NPAS3: variants seen among roughly 807,000 people sequenced by gnomAD.
NPAS3 encodes neuronal PAS domain-containing protein 3.
A neutral mutation model predicts 73.1 loss-of-function variants in NPAS3; 14 were observed. The observed-to-expected ratio is 0.19, with a 90% CI of 0.13 to 0.30. The LOEUF (loss-of-function observed/expected upper bound fraction) is 0.30, where lower values mean the gene tolerates loss of function less well. Ranked by LOEUF, NPAS3 falls within the 10% of genes least tolerant of loss-of-function variation. The pLI is 1.00. For missense variants in NPAS3, 1,096 were observed against 1,250.0 expected (o/e 0.88, Z 1.86); for synonymous variants, 620 against 541.5 (o/e 1.14, Z -2.01).
intron 1 of NPAS3, among the ~76,000 whole-genome samples, chr14:32,957,614 C>T (rs532811959): frequency 4.0e-4 from 61 of 152,174 alleles, no homozygotes; most frequent in Non-Finnish European, 6.6e-4. Context: ...CCTGGTGATC[C>T]GCCTGCCTCG....
chr14:33,404,008 G>T (rs921716976), intron 4 of NPAS3, among the ~76,000 whole-genome samples: 2 of 152,192 alleles, frequency 1.3e-5, no homozygotes, highest in African/African-American at 4.8e-5. Context: ...GGAAGATAAT[G>T]CTGTAAAGCA....
intron 2 of NPAS3, among the ~76,000 whole-genome samples, chr14:33,168,826 C>T (rs2045274098): frequency 6.6e-6 from 1 of 152,198 alleles, no homozygotes; most frequent in Non-Finnish European, 1.5e-5. Context: ...TAACCTTTAA[C>T]TCCAAGGCAG....
chr14:33,272,309 GACCTTTGTCTAA>G (rs781769621), intron 3 of NPAS3, among the ~76,000 whole-genome samples: 12 of 152,176 alleles, frequency 7.9e-5, no homozygotes, highest in Non-Finnish European at 1.8e-4. Flanking sequence ...GGATATTCAT[GACCTTTGTCTAA>G]ACTACTTAGT....
At chr14:33,080,813 A>G (rs2041841208) in intron 2 of NPAS3, among the ~76,000 whole-genome samples, 1 of 152,214 alleles carries the variant, frequency 6.6e-6, no homozygotes, top group Admixed American at 6.5e-5. Flanking sequence ...GAGCCCATCT[A>G]GAGGTTTTGC....
At chr14:33,000,072 A>C (rs545222859) in intron 1 of NPAS3, among the ~76,000 whole-genome samples, 12 of 152,324 alleles carry the variant, frequency 7.9e-5, no homozygotes, top group African/African-American at 2.4e-4. Context: ...TGGTAGCACC[A>C]TGCCATATGG....
chr14:33,126,759 A>G (rs889733130), intron 2 of NPAS3, among the ~76,000 whole-genome samples: 4 of 152,064 alleles, frequency 2.6e-5, no homozygotes, highest in Non-Finnish European at 5.9e-5. Context: ...TGTAACAAGC[A>G]TGTACAGAAC....
chr14:33,280,724 G>T (rs944460196), intron 3 of NPAS3, among the ~76,000 whole-genome samples: 2 of 152,170 alleles, frequency 1.3e-5, no homozygotes, highest in African/African-American at 4.8e-5. Context: ...TTTTGAGAAA[G>T]TACAAAAAGG....
intron 2 of NPAS3, among the ~76,000 whole-genome samples, chr14:33,073,617 A>G (rs913247440): frequency 1.8e-4 from 28 of 152,244 alleles, no homozygotes; most frequent in African/African-American, 6.8e-4. Flanking sequence ...GAACAAGGTA[A>G]TGAACAAGCC....
intron 1 of NPAS3, among the ~76,000 whole-genome samples, chr14:32,982,497 C>G (rs2037937983): frequency 6.6e-6 from 1 of 151,998 alleles, no homozygotes; most frequent in Non-Finnish European, 1.5e-5. Context: ...ATTGCTTGAG[C>G]CCAGGAGTTT....
At position 32,950,515 on chromosome 14, in the gene NPAS3, T is replaced by C. The variant is rs188302481; in HGVS notation, c.50+11149T>C. On this transcript the variant is annotated intron_variant, in intron 1 of 11. Transcript: ENST00000356141. ...GTTAGGATGAGAAAGATCAGGATCATTTAAAAAATAAAACATAGGGAAGCT... is the reference window on the plus strand; with the variant it reads ...GTTAGGATGAGAAAGATCAGGATCACTTAAAAAATAAAACATAGGGAAGCT... Among the ~76,000 whole-genome samples, 170 of 151,496 alleles carry C rather than the reference T, an allele frequency of 1.1e-3. No homozygotes were observed. The East Asian group carries it at 0.014, about 13-fold the overall frequency.
At chr14:33,486,178 A>G (rs1359481499) in intron 4 of NPAS3, among the ~76,000 whole-genome samples, 1 of 151,716 alleles carries the variant, frequency 6.6e-6, no homozygotes, top group African/African-American at 2.4e-5. Flanking sequence ...AAAGTCATGT[A>G]TGGACTGGCT....
chr14:33,766,660 T>C lies in NPAS3; in HGVS notation c.853-7677T>C, dbSNP rs192506263. Among the ~76,000 whole-genome samples the C allele has an allele frequency of 2.2e-3, 337 of 152,298 alleles. 2 individuals carry two copies. Among genetic ancestry groups the C allele is most frequent in the African/African-American group, 7.4e-3 (308 of 41,562 alleles). Reference sequence around the variant, plus strand: ...CTTACTCCCTTACTTCTGTCTAATATTGAATATCCCTGATCTTACAAGAAT... The same window carrying C: ...CTTACTCCCTTACTTCTGTCTAATACTGAATATCCCTGATCTTACAAGAAT... On this transcript the variant is annotated intron_variant, in intron 7 of 11. Transcript: ENST00000356141.
At chr14:33,670,758 T>C (rs552942779) in intron 5 of NPAS3, among the ~76,000 whole-genome samples, 1 of 152,106 alleles carries the variant, frequency 6.6e-6, no homozygotes, top group Admixed American at 6.6e-5. Flanking sequence ...GAATTTAGTT[T>C]CCAAGCCACT....
intron 2 of NPAS3, among the ~76,000 whole-genome samples, chr14:33,209,632 C>T (rs1350129443): frequency 6.6e-6 from 1 of 152,128 alleles, no homozygotes; most frequent in Non-Finnish European, 1.5e-5. Flanking sequence ...AGGCTGCATG[C>T]CAGATTAATT....
intron 1 of NPAS3, among the ~76,000 whole-genome samples, chr14:33,016,559 T>G (rs2039400708): frequency 7.5e-6 from 1 of 133,384 alleles, no homozygotes. Flanking sequence ...AGTACACATG[T>G]AAAATATAGA....
chr14:33,416,791 C>T (rs2048166074), intron 4 of NPAS3, among the ~76,000 whole-genome samples: 1 of 151,958 alleles, frequency 6.6e-6, no homozygotes, highest in South Asian at 2.1e-4. Context: ...ATTTCTACAA[C>T]TTATGCTTTC....
chr14:33,727,018 T>C (rs2061286006), intron 6 of NPAS3, among the ~76,000 whole-genome samples: 1 of 152,160 alleles, frequency 6.6e-6, no homozygotes, highest in Non-Finnish European at 1.5e-5. Context: ...AATAGAGCTT[T>C]AAAGCAAGGA....
At chr14:33,252,506 C>G (rs140707251) in intron 3 of NPAS3, among the ~76,000 whole-genome samples, 1 of 151,714 alleles carries the variant, frequency 6.6e-6, no homozygotes, top group African/African-American at 2.4e-5. Flanking sequence ...GCAAAATAAC[C>G]CCATGATGTA....
intron 6 of NPAS3, among the ~76,000 whole-genome samples, chr14:33,687,570 C>T (rs1029951137): frequency 3.9e-5 from 6 of 152,038 alleles, no homozygotes; most frequent in African/African-American, 1.2e-4. Flanking sequence ...ATTGATTGCC[C>T]GCATTACTGT....
Sources: allele counts gnomAD v4.1 joint callset (sites outside exome capture counted in the v4.1 genomes callset), GRCh38; gene constraint gnomAD v4.1.1; transcripts MANE v1.5; gene names NCBI Gene and HGNC (gene_info 2026-07-23, HGNC 2026-07-21).